Variants in ERI1 observed in about 807,000 individuals in gnomAD.
ERI1 encodes exoribonuclease 1.
Under a neutral mutation model 39.7 loss-of-function variants are expected in ERI1, and 39 were observed. The ratio of observed to expected loss-of-function variants is 0.98; its 90% CI spans 0.76 to 1.28. ERI1 has a LOEUF of 1.28. Among genes scored for constraint, ERI1 ranks in the 50% most tolerant of loss-of-function variants. The pLI is 0.00. For synonymous variants in ERI1, 204 were observed against 149.6 expected, an observed-to-expected ratio of 1.36 and a Z score of -2.65; for missense variants, 581 against 416.9, an observed-to-expected ratio of 1.39 and a Z score of -3.43.
At chr8:9,018,462 C>G in intron 5 of ERI1, 56 bp downstream of exon 5, 2 of 967,132 alleles carry the variant, frequency 2.1e-6, no homozygotes. Context: ...TTAAAGATAC[C>G]CTTATTTATC....
At chr8:9,026,963 C>G (rs976729219) in intron 6 of ERI1, among the ~76,000 whole-genome samples, 1 of 152,074 alleles carries the variant, frequency 6.6e-6, no homozygotes, top group Non-Finnish European at 1.5e-5. Flanking sequence ...AGATACCATT[C>G]TTCTTCCTGT....
chr8:9,065,656 C>G (rs990386288), intron 3 of ERI1, among the ~76,000 whole-genome samples: 1 of 143,778 alleles, frequency 7.0e-6, no homozygotes, highest in Non-Finnish European at 1.5e-5. Context: ...GATCGCAGCA[C>G]TGCACTCCAG....
At chr8:9,014,418 T>C (rs1432148099) in intron 3 of ERI1, among the ~76,000 whole-genome samples, 1 of 152,146 alleles carries the variant, frequency 6.6e-6, no homozygotes, top group Non-Finnish European at 1.5e-5. Flanking sequence ...CCCCCCTTAC[T>C]GCTCTACTTT....
At chr8:9,015,441 C>T (rs531490823) in intron 3 of ERI1, among the ~76,000 whole-genome samples, 1 of 152,056 alleles carries the variant, frequency 6.6e-6, no homozygotes, top group African/African-American at 2.4e-5. Context: ...ACTTAGAGAT[C>T]GGAGCCTGAT....
chr8:9,046,456 A>G (rs1327578077), intron 3 of ERI1, among the ~76,000 whole-genome samples: 1 of 152,212 alleles, frequency 6.6e-6, no homozygotes, highest in Non-Finnish European at 1.5e-5. Flanking sequence ...CCTTGCTTCC[A>G]TGAGATGCTC....
chr8:9,060,815 A>C (rs1317644165), intron 3 of ERI1, among the ~76,000 whole-genome samples: 1 of 152,176 alleles, frequency 6.6e-6, no homozygotes, highest in East Asian at 1.9e-4. Flanking sequence ...CATTGTCTAG[A>C]GCAACGGGAT....
intron 3 of ERI1, among the ~76,000 whole-genome samples, chr8:9,046,574 C>T (rs1798181427): frequency 6.6e-6 from 1 of 152,210 alleles, no homozygotes; most frequent in South Asian, 2.1e-4. Flanking sequence ...CAAATAGCAT[C>T]CCTAAAGAAC....
At chr8:9,020,977 C>G (rs1435449707) in intron 6 of ERI1, among the ~76,000 whole-genome samples, 3 of 152,058 alleles carry the variant, frequency 2.0e-5, no homozygotes, top group Admixed American at 1.3e-4. Flanking sequence ...CATGCTTATA[C>G]TACTTCTTGA....
intron 3 of ERI1, among the ~76,000 whole-genome samples, chr8:9,063,397 G>C (rs1000118029): frequency 3.3e-5 from 5 of 152,150 alleles, no homozygotes; most frequent in South Asian, 2.1e-4. Flanking sequence ...CTGGGCAGGT[G>C]GGGGAGGGCT....
At chr8:9,074,952 GAGGTGACAC>G (rs1799160601) in intron 3 of ERI1, among the ~76,000 whole-genome samples, 2 of 152,102 alleles carry the variant, frequency 1.3e-5, no homozygotes, top group Non-Finnish European at 2.9e-5. Context: ...GCGCCACAGT[GAGGTGACAC>G]AGAAGAGCGC....
intron 3 of ERI1, among the ~76,000 whole-genome samples, chr8:9,055,062 C>T (rs187317223): frequency 2.0e-5 from 3 of 152,292 alleles, no homozygotes; most frequent in South Asian, 2.1e-4. Flanking sequence ...AACAACAATT[C>T]GCGAATCAGC....
At chr8:9,034,970 A>G (rs1407945513), downstream of ERI1, among the ~76,000 whole-genome samples, 6 of 152,354 alleles carry the variant, frequency 3.9e-5, no homozygotes, top group African/African-American at 1.4e-4. Flanking sequence ...TAAAAAATCA[A>G]ACTGCAACAT....
At chr8:9,055,919 C>G (rs953771201) in intron 3 of ERI1, among the ~76,000 whole-genome samples, 6 of 152,126 alleles carry the variant, frequency 3.9e-5, no homozygotes, top group African/African-American at 1.4e-4. Context: ...AAGAGGAATA[C>G]TAGTTTCTGT....
Position 9,032,047 on chromosome 8 carries a change from G to C in ERI1, c.*2013G>C, listed in dbSNP as rs2117314980. On this transcript the variant is annotated 3_prime_UTR_variant, in exon 7 of 7. Coordinates refer to ENST00000250263, the MANE Select transcript of ERI1 (RefSeq NM_153332.4). ...ACGTGAGCCACTGCGCTCAGCCATA[G>C]ATTTTACTGTCTTAACCCATTTTAA... The C allele has an allele frequency of 6.6e-6, 1 of 152,262 alleles. No homozygotes were observed. The highest frequency in any genetic ancestry group is 6.5e-5 in the Admixed American group (1 of 15,284). The allele number at this position is 152,262 out of a possible 1,614,324, so 9.4% of individuals were successfully genotyped here.
intron 3 of ERI1, among the ~76,000 whole-genome samples, chr8:9,075,051 G>C (rs1321109990): frequency 2.0e-5 from 3 of 152,156 alleles, no homozygotes; most frequent in Non-Finnish European, 4.4e-5. Context: ...CTGAGCCAAA[G>C]GCCCTATATG....
At chr8:9,007,415 A>G (rs888187272) in intron 1 of ERI1, among the ~76,000 whole-genome samples, 14 of 152,222 alleles carry the variant, frequency 9.2e-5, no homozygotes, top group African/African-American at 3.4e-4. Flanking sequence ...AAGTTCATTT[A>G]AAAATGGGTT....
chr8:9,019,400 T>G (rs1817647421), intron 5 of ERI1, among the ~76,000 whole-genome samples: 1 of 152,220 alleles, frequency 6.6e-6, no homozygotes, highest in African/African-American at 2.4e-5. Context: ...ATGGACCTCT[T>G]TAGAAATCCA....
chr8:9,024,093 C>T (rs1048928827), intron 6 of ERI1, among the ~76,000 whole-genome samples: 1 of 152,020 alleles, frequency 6.6e-6, no homozygotes, highest in Non-Finnish European at 1.5e-5. Context: ...AGCCATTGCG[C>T]CTGGCCAAAA....
At chr8:9,047,264 C>A (rs182465234) in intron 3 of ERI1, among the ~76,000 whole-genome samples, 19 of 152,246 alleles carry the variant, frequency 1.2e-4, no homozygotes, top group South Asian at 6.2e-4. Context: ...ATAGCAGTGC[C>A]TTTCGGGTGA....
Sources: gnomAD v4.1 joint callset for allele counts (sites outside exome capture counted in the v4.1 genomes callset) on GRCh38, gnomAD v4.1.1 for gene constraint, MANE v1.5 for transcripts, NCBI Gene and HGNC (gene_info 2026-07-23, HGNC 2026-07-21) for gene names.